The following PTGES3 variants were observed in gnomAD, a reference collection of about 807,000 sequenced individuals.
The protein encoded by PTGES3 is Hsp90 co-chaperone.
Under a neutral mutation model 29.9 loss-of-function variants are expected in PTGES3, and 5 were observed. The observed-to-expected ratio is 0.17, with a 90% CI of 0.09 to 0.35. The LOEUF (loss-of-function observed/expected upper bound fraction) is 0.35. Among genes scored for constraint, PTGES3 ranks in the 10% least tolerant of loss-of-function variants. The pLI, the probability that PTGES3 is intolerant of heterozygous loss-of-function variation, is 1.00. For synonymous variants in PTGES3, 49 were observed against 57.8 expected (o/e 0.85, Z 0.69); for missense variants, 128 against 190.0 (o/e 0.67, Z 1.92).
At chr12:56,683,685 C>T (rs1287921652) in intron 1 of PTGES3, among the ~76,000 whole-genome samples, 1 of 148,966 alleles carries the variant, frequency 6.7e-6, no homozygotes, top group African/African-American at 2.5e-5. Context: ...ATGGGCCGGG[C>T]GCGGTGGCTC....
intron 1 of PTGES3, among the ~76,000 whole-genome samples, chr12:56,675,509 A>G (rs1170048660): frequency 7.0e-6 from 1 of 143,108 alleles, no homozygotes; most frequent in Non-Finnish European, 1.5e-5. Context: ...AGCCTAGGCA[A>G]CAGAATGAGA....
At chr12:56,687,917 C>G (rs1216042541) in intron 1 of PTGES3, 81 bp downstream of exon 1, 7 of 1,602,318 alleles carry the variant, frequency 4.4e-6, no homozygotes, top group Non-Finnish European at 5.9e-6. Flanking sequence ...GCGAGAAAGG[C>G]TAGGGGGCCG....
intron 1 of PTGES3, among the ~76,000 whole-genome samples, chr12:56,685,770 CTTTTTTT>C (rs9325161): frequency 4.2e-5 from 3 of 71,898 alleles, no homozygotes; most frequent in Non-Finnish European, 5.1e-5. Context: ...GCTACACTTA[CTTTTTTT>C]TTTTTTTTTT....
At chr12:56,684,553 A>C (rs1952734298) in intron 1 of PTGES3, among the ~76,000 whole-genome samples, 1 of 152,226 alleles carries the variant, frequency 6.6e-6, no homozygotes, top group Non-Finnish European at 1.5e-5. Context: ...TTTTTACCAA[A>C]ATCAGAGACG....
intron 1 of PTGES3, among the ~76,000 whole-genome samples, chr12:56,673,638 C>G (rs1952095715): frequency 6.6e-6 from 1 of 151,322 alleles, no homozygotes. Context: ...TACTAAAATA[C>G]AAAAATTAGC....
intron 5 of PTGES3, among the ~76,000 whole-genome samples, chr12:56,668,278 C>CT (rs1489074945): frequency 2.0e-5 from 3 of 152,196 alleles, no homozygotes; most frequent in African/African-American, 4.8e-5. Flanking sequence ...CTACTCAATA[C>CT]TTTAAGTTTC....
intron 1 of PTGES3, among the ~76,000 whole-genome samples, chr12:56,675,943 C>T (rs1028697847): frequency 1.3e-5 from 2 of 151,734 alleles, no homozygotes; most frequent in African/African-American, 4.8e-5. Flanking sequence ...ACAAAAACTG[C>T]AGACCAGGCG....
intron 1 of PTGES3, among the ~76,000 whole-genome samples, chr12:56,684,379 G>T (rs1376824836): frequency 6.6e-6 from 1 of 152,196 alleles, no homozygotes; most frequent in Non-Finnish European, 1.5e-5. Flanking sequence ...CCAGGTTACA[G>T]TGCACAGGAA....
Position 56,666,276 on chromosome 12 carries a change from G to A in PTGES3, c.376-10C>T, listed in dbSNP as rs1356797065. The A allele has an allele frequency of 6.3e-7, 1 of 1,599,352 alleles. No individual in the cohort carries two copies. Among genetic ancestry groups the A allele is most frequent in the Admixed American group, 1.7e-5 (1 of 58,816 alleles). On this transcript the variant is annotated splice_polypyrimidine_tract_variant and intron_variant, in intron 5 of 7. Coordinates refer to ENST00000262033, the MANE Select transcript of PTGES3 (RefSeq NM_006601.7). ...CCATGTTGTTCATCATCTATTTGAA[G>A]TGTAAAAATTAGTTTTAAAAATGAT... is the stretch of plus-strand genomic sequence containing the variant.
At chr12:56,665,246 T>C in intron 6 of PTGES3, 1 of 985,152 alleles carries the variant, frequency 1.0e-6, no homozygotes, top group Non-Finnish European at 1.2e-6. Flanking sequence ...AGAAAAGTAG[T>C]TTAGTGTATC....
chr12:56,670,373 C>T lies in PTGES3; in HGVS notation c.286-9G>A. On this transcript the variant is annotated splice_polypyrimidine_tract_variant and intron_variant, in intron 4 of 7. Transcript: ENST00000262033. ...ACACTAAGCCAATTAAGCTATAAAT[C>T]AATACAAATATCACCCTAAGATTAG... 1.3e-6 allele frequency: 2 copies of T among 1,581,478 alleles called. No individual in the cohort carries two copies. The highest frequency in any genetic ancestry group is 1.7e-6 in the Non-Finnish European group (2 of 1,150,236).
At position 56,672,820 on chromosome 12, in the gene PTGES3, TAATA is replaced by T. The variant is rs1952058192; in HGVS notation, c.117-15_117-12del. 1 of 1,570,986 alleles carries T rather than the reference TAATA, an allele frequency of 6.4e-7. No homozygotes were observed. The highest frequency in any genetic ancestry group is 8.6e-7 in the Non-Finnish European group (1 of 1,162,482). ...CTTCCTCCGAGACAACTGTATAAAATAATAAAGAAAGAATTAAGCCTCTTCAAAG... is the reference window on the plus strand; with the variant it reads ...CTTCCTCCGAGACAACTGTATAAAATAAGAAAGAATTAAGCCTCTTCAAAG... On this transcript the variant is annotated splice_polypyrimidine_tract_variant and intron_variant, in intron 2 of 7. Transcript: ENST00000262033.
chr12:56,682,430 T>G (rs1952584082), intron 1 of PTGES3, among the ~76,000 whole-genome samples: 2 of 151,798 alleles, frequency 1.3e-5, no homozygotes, highest in Non-Finnish European at 2.9e-5. Flanking sequence ...GGTGTGGTGG[T>G]GCACACCTGT....
chr12:56,683,473 CAAAAAAA>C (rs71081388), intron 1 of PTGES3, among the ~76,000 whole-genome samples: 51 of 29,764 alleles, frequency 1.7e-3, no homozygotes, highest in East Asian at 6.8e-3. Flanking sequence ...AACTCTGTCT[CAAAAAAA>C]AAAAAAAAAA....
At chr12:56,680,339 T>A (rs1293265105) in intron 1 of PTGES3, among the ~76,000 whole-genome samples, 1 of 151,650 alleles carries the variant, frequency 6.6e-6, no homozygotes, top group Non-Finnish European at 1.5e-5. Flanking sequence ...TCCCCCAAAG[T>A]GGTGGGATTA....
At chr12:56,683,325 T>C (rs975616241) in intron 1 of PTGES3, among the ~76,000 whole-genome samples, 1 of 150,692 alleles carries the variant, frequency 6.6e-6, no homozygotes, top group Non-Finnish European at 1.5e-5. Flanking sequence ...CTCTACTAAT[T>C]AGCCGGGCAT....
chr12:56,682,522 C>T (rs186301990), intron 1 of PTGES3, among the ~76,000 whole-genome samples: 262 of 152,136 alleles, frequency 1.7e-3, no homozygotes, highest in Non-Finnish European at 2.8e-3. Context: ...CACCACTGCA[C>T]TCCAGCCTGG....
chr12:56,672,927 T>C (rs200657529), intron 2 of PTGES3, 25 bp downstream of exon 2: 58 of 1,579,618 alleles, frequency 3.7e-5, no homozygotes, highest in Non-Finnish European at 4.0e-5. Context: ...CTATTTTACA[T>C]CATTGGATAA....
chr12:56,682,443 T>G (rs962570621), intron 1 of PTGES3, among the ~76,000 whole-genome samples: 4 of 151,970 alleles, frequency 2.6e-5, no homozygotes, highest in African/African-American at 7.3e-5. Flanking sequence ...ACACCTGTAG[T>G]CCCAACTACT....
Sources: gnomAD v4.1 joint callset for allele counts (sites outside exome capture counted in the v4.1 genomes callset) on GRCh38, gnomAD v4.1.1 for gene constraint, MANE v1.5 for transcripts, NCBI Gene and HGNC (gene_info 2026-07-23, HGNC 2026-07-21) for gene names.